The following HCN1 variants were observed in gnomAD, a reference collection of about 807,000 sequenced individuals.
HCN1 encodes hyperpolarization activated cyclic nucleotide gated potassium channel 1.
HCN1 carries 13 observed loss-of-function variants against 78.9 expected under a neutral mutation model. That is an observed-to-expected ratio of 0.16 (90% confidence interval 0.11 to 0.26). The LOEUF (loss-of-function observed/expected upper bound fraction) is 0.26. Ranked by LOEUF, HCN1 falls within the 10% of genes least tolerant of loss-of-function variation. The pLI is 1.00. For missense variants in HCN1, 810 were observed against 1,154.3 expected, an observed-to-expected ratio of 0.70 and a Z score of 4.32; for synonymous variants, 552 against 455.5, an observed-to-expected ratio of 1.21 and a Z score of -2.70.
intron 5 of HCN1, among the ~76,000 whole-genome samples, chr5:45,314,922 T>G (rs1745946229): frequency 6.6e-6 from 1 of 152,060 alleles, no homozygotes; most frequent in Non-Finnish European, 1.5e-5. Context: ...AGCAAGTCCT[T>G]AGAGACCTAC....
chr5:45,307,910 T>TTC (rs779299836), intron 5 of HCN1, among the ~76,000 whole-genome samples: 45 of 152,144 alleles, frequency 3.0e-4, no homozygotes, highest in Non-Finnish European at 5.4e-4. Flanking sequence ...TACATGGGAA[T>TTC]TCTCCATACT....
At chr5:45,343,653 T>G (rs1248595803) in intron 5 of HCN1, among the ~76,000 whole-genome samples, 2 of 152,146 alleles carry the variant, frequency 1.3e-5, no homozygotes, top group African/African-American at 4.8e-5. Context: ...AAAAATGACT[T>G]CATTATATAA....
chr5:45,400,749 A>G (rs557202517), intron 3 of HCN1, among the ~76,000 whole-genome samples: 12 of 152,072 alleles, frequency 7.9e-5, no homozygotes, highest in Non-Finnish European at 7.4e-5. Context: ...CAACTTTTCT[A>G]TTTTCCATTC....
chr5:45,418,070 A>T lies in HCN1; in HGVS notation c.1012-21360T>A, dbSNP rs188457694. ...ATCTGGAAAAGTGAGTACCTAAAAT[A>T]ATAAAGTGGCAATTTTCTGAGAATT... On this transcript the variant is annotated intron_variant, in intron 3 of 7. Coordinates refer to ENST00000303230, the MANE Select transcript of HCN1 (RefSeq NM_021072.4). Among the ~76,000 whole-genome samples, 178 of 152,100 alleles carry T rather than the reference A, an allele frequency of 1.2e-3. 2 individuals are homozygous for T. The Middle Eastern group carries it at 0.014, about 12-fold the overall frequency.
At chr5:45,326,238 A>T (rs1746231491) in intron 5 of HCN1, among the ~76,000 whole-genome samples, 2 of 151,706 alleles carry the variant, frequency 1.3e-5, no homozygotes, top group African/African-American at 2.4e-5. Flanking sequence ...ATAAATTTTT[A>T]AAAAATAAAC....
chr5:45,310,148 A>C (rs1238682636), intron 5 of HCN1, among the ~76,000 whole-genome samples: 1 of 152,164 alleles, frequency 6.6e-6, no homozygotes, highest in East Asian at 1.9e-4. Context: ...ACTGCAACAA[A>C]TCAGAAATTG....
At position 45,596,805 on chromosome 5, in the gene HCN1, T is replaced by A. The variant is rs111971996; in HGVS notation, c.849+48380A>T. 2.6e-5 allele frequency among the ~76,000 whole-genome samples: 4 copies of A among 152,328 alleles called. 1 individual carries two copies. Among genetic ancestry groups the A allele is most frequent in the African/African-American group, 9.6e-5 (4 of 41,582 alleles). ...ACATACTAAAGGAACAGTTGCTGAC[T>A]GAATAAACTAAATTAGAATAGCTCT... On this transcript the variant is annotated intron_variant, in intron 2 of 7. Transcript: ENST00000303230.
In HCN1 at chr5:45,348,256, C is replaced by T. The variant is rs541499042; in HGVS notation, c.1377+4844G>A. Among the ~76,000 whole-genome samples the T allele has an allele frequency of 2.2e-3, 341 of 152,218 alleles. 2 individuals are homozygous for T. The highest frequency in any genetic ancestry group is 1.8e-3 in the Non-Finnish European group (122 of 68,012). ...AATTTTCAACCCAGAATTTCATATCCAGCCAAGCTAAGCTTCATAAGTGAA... is the reference window on the plus strand; with the variant it reads ...AATTTTCAACCCAGAATTTCATATCTAGCCAAGCTAAGCTTCATAAGTGAA... On this transcript the variant is annotated intron_variant, in intron 5 of 7. Coordinates refer to ENST00000303230, the MANE Select transcript of HCN1 (RefSeq NM_021072.4).
At chr5:45,452,924 T>C (rs1287840451) in intron 3 of HCN1, among the ~76,000 whole-genome samples, 1 of 152,060 alleles carries the variant, frequency 6.6e-6, no homozygotes, top group African/African-American at 2.4e-5. Flanking sequence ...TATTCTTTCT[T>C]ATATCCCGCA....
intron 4 of HCN1, among the ~76,000 whole-genome samples, chr5:45,376,338 TTATA>T (rs201682954): frequency 1.1e-4 from 11 of 98,716 alleles, no homozygotes; most frequent in African/African-American, 4.5e-4. Context: ...ATAACATATA[TTATA>T]TATATATAGA....
intron 2 of HCN1, among the ~76,000 whole-genome samples, chr5:45,579,550 T>C (rs1744016379): frequency 2.0e-5 from 3 of 152,188 alleles, no homozygotes; most frequent in Middle Eastern, 3.4e-3. Context: ...GGAGAGAATA[T>C]AGTAGTAGTG....
chr5:45,664,308 T>A (rs1331859073), intron 1 of HCN1, among the ~76,000 whole-genome samples: 2 of 85,930 alleles, frequency 2.3e-5, no homozygotes, highest in African/African-American at 4.7e-5. Flanking sequence ...GGGACTGTGG[T>A]GGGGTCGGGG....
chr5:45,521,269 G>A lies in HCN1; in HGVS notation c.850-59262C>T, dbSNP rs111634667. On this transcript the variant is annotated intron_variant, in intron 2 of 7. Transcript: ENST00000303230. The stretch of plus-strand genomic sequence containing the variant: ...ACCTTCTCTTCTTCTAGCTTCTGGC[G>A]CCTCCCATTGGCCAAACTTAACATG... Among the ~76,000 whole-genome samples, 1,105 of 151,948 alleles carry A rather than the reference G, an allele frequency of 7.3e-3. 11 individuals are homozygous for A. Among genetic ancestry groups the A allele is most frequent in the African/African-American group, 0.025 (1,057 of 41,484 alleles).
chr5:45,555,236 T>C lies in HCN1; in HGVS notation c.849+89949A>G, dbSNP rs554555897. 2.5e-3 allele frequency among the ~76,000 whole-genome samples: 387 copies of C among 152,050 alleles called. 1 individual carries two copies. Among genetic ancestry groups the C allele is most frequent in the Middle Eastern group, 0.01 (3 of 294 alleles). On this transcript the variant is annotated intron_variant, in intron 2 of 7. Transcript: ENST00000303230. ...AACATACAAAAATCAGTAGCATTTC[T>C]ATATGCCAACAGTGAACAATATGAA...
At chr5:45,441,733 C>T (rs980593489) in intron 3 of HCN1, among the ~76,000 whole-genome samples, 1 of 152,052 alleles carries the variant, frequency 6.6e-6, no homozygotes, top group East Asian at 1.9e-4. Context: ...TCTCAGGTTC[C>T]CCGAGTCTGG....
intron 1 of HCN1, 50 bp from the exon 2 acceptor site, chr5:45,645,658 T>C: frequency 3.3e-6 from 4 of 1,216,074 alleles, no homozygotes; most frequent in Non-Finnish European, 4.7e-6. Flanking sequence ...ATAACCAGCC[T>C]ATCCCCCCCA....
chr5:45,418,089 GA>G (rs1740154599), intron 3 of HCN1, among the ~76,000 whole-genome samples: 4 of 151,782 alleles, frequency 2.6e-5, no homozygotes, highest in Admixed American at 2.6e-4. Flanking sequence ...GCAATTTTCT[GA>G]GAATTAAATT....
rs927782601 is a variant in HCN1 at position 45,375,339 on chromosome 5, A to G, written c.1230+21153T>C. On this transcript the variant is annotated intron_variant, in intron 4 of 7. Transcript: ENST00000303230. ...ATAATATAATATTTTATGATATACAATATATATAATATAATATTTTATGAT... is the reference window on the plus strand; with the variant it reads ...ATAATATAATATTTTATGATATACAGTATATATAATATAATATTTTATGAT... Among the ~76,000 whole-genome samples the G allele has an allele frequency of 2.4e-5, 3 of 124,050 alleles. No individual in the cohort carries two copies. The East Asian group carries it at 6.5e-4, about 27-fold the overall frequency. 81.4% of individuals were successfully genotyped at this position (124,050 alleles called of 152,430 possible).
chr5:45,478,455 T>C (rs1045518081), intron 2 of HCN1, among the ~76,000 whole-genome samples: 5 of 152,168 alleles, frequency 3.3e-5, no homozygotes. Flanking sequence ...AGATGGCTTG[T>C]CCGAAGAGGA....
Sources: gnomAD v4.1 joint callset for allele counts (sites outside exome capture counted in the v4.1 genomes callset) on GRCh38, gnomAD v4.1.1 for gene constraint, MANE v1.5 for transcripts, NCBI Gene and HGNC (gene_info 2026-07-23, HGNC 2026-07-21) for gene names.